Variants in ABI3BP observed in about 807,000 individuals in gnomAD.
The protein encoded by ABI3BP is ABI family member 3 binding protein.
Under a neutral mutation model 268.6 loss-of-function variants are expected in ABI3BP, and 216 were observed. The observed-to-expected ratio is 0.80, with a 90% CI of 0.72 to 0.90. The LOEUF (loss-of-function observed/expected upper bound fraction) is 0.90, where lower values mean the gene tolerates loss of function less well. Among genes scored for constraint, ABI3BP ranks in the 40% least tolerant of loss-of-function variants. The pLI is 0.00. For synonymous variants in ABI3BP, 730 were observed against 730.0 expected (o/e 1.00, Z 0.00); for missense variants, 2,090 against 2,182.4 (o/e 0.96, Z 0.84).
chr3:100,811,150 TGA>T (rs2097852311), intron 48 of ABI3BP, 78 bp downstream of exon 48: 2 of 1,209,094 alleles, frequency 1.7e-6, no homozygotes, highest in Admixed American at 5.0e-5. Flanking sequence ...GAATTCACAA[TGA>T]GAGAGACCCA....
chr3:100,847,037 C>G (rs1286903086), intron 19 of ABI3BP, among the ~76,000 whole-genome samples: 1 of 152,032 alleles, frequency 6.6e-6, no homozygotes, highest in African/African-American at 2.4e-5. Flanking sequence ...TTTGCAGATG[C>G]AACAATAAAT....
Position 100,824,931 on chromosome 3 carries a change from T to A in ABI3BP, c.2673A>T (p.Thr891=), listed in dbSNP as rs915219705. ...EIPATTLATK[T]SKRTRPPRPR... ...GACGTGGAGGGCGGGTTCTTTTTGA[T>A]GTTTTGGTAGCTGAAGGAAGAAAAA... Residue 891 remains threonine (T), a synonymous_variant, in exon 36 of 68, where the codon ACA becomes ACT. Coordinates refer to ENST00000471714, the MANE Select transcript of ABI3BP (RefSeq NM_001375547.2). 6.5e-7 allele frequency: 1 copy of A among 1,535,838 alleles called. No individual in the cohort carries two copies. The highest frequency in any genetic ancestry group is 8.7e-7 in the Non-Finnish European group (1 of 1,146,520).
chr3:100,843,879 A>C, intron 20 of ABI3BP: 1 of 984,922 alleles, frequency 1.0e-6, no homozygotes, highest in Non-Finnish European at 1.2e-6. Flanking sequence ...TACTCATTGC[A>C]TCTTTTAGAC....
At chr3:100,821,727 T>C (rs2098234901) in intron 38 of ABI3BP, among the ~76,000 whole-genome samples, 1 of 150,230 alleles carries the variant, frequency 6.7e-6, no homozygotes, top group African/African-American at 2.5e-5. Flanking sequence ...CCCAGCCTCC[T>C]GAGTAGCTGG....
At chr3:100,816,642 G>T in intron 43 of ABI3BP, 46 bp downstream of exon 43, 1 of 1,426,752 alleles carries the variant, frequency 7.0e-7, no homozygotes, top group Non-Finnish European at 9.5e-7. Flanking sequence ...CAGCCTGCCA[G>T]GGTTCAGGTT....
chr3:100,960,839 C>T (rs1341445214), intron 1 of ABI3BP, among the ~76,000 whole-genome samples: 1 of 152,142 alleles, frequency 6.6e-6, no homozygotes, highest in Non-Finnish European at 1.5e-5. Context: ...CTGCAAAGAA[C>T]CTGAATGAGC....
intron 49 of ABI3BP, among the ~76,000 whole-genome samples, chr3:100,808,852 A>G (rs2152459984): frequency 6.6e-6 from 1 of 152,180 alleles, no homozygotes; most frequent in South Asian, 2.1e-4. Flanking sequence ...TTCACCAAAA[A>G]AAATTGAAAA....
chr3:100,927,652 C>A (rs892327824), intron 1 of ABI3BP, among the ~76,000 whole-genome samples: 1 of 152,050 alleles, frequency 6.6e-6, no homozygotes, highest in African/African-American at 2.4e-5. Context: ...TGCCACATAC[C>A]TTTAAACAAC....
chr3:100,826,141 T>C (rs1379478996), intron 34 of ABI3BP, among the ~76,000 whole-genome samples: 1 of 152,160 alleles, frequency 6.6e-6, no homozygotes, highest in African/African-American at 2.4e-5. Context: ...AGACATGAGC[T>C]GCACACACAG....
intron 35 of ABI3BP, among the ~76,000 whole-genome samples, chr3:100,825,278 A>G (rs1253967401): frequency 6.6e-6 from 1 of 152,164 alleles, no homozygotes; most frequent in African/African-American, 2.4e-5. Context: ...GAAGAGGCTT[A>G]TAACTTAAGA....
chr3:100,776,239 G>A (rs2096700518), intron 59 of ABI3BP, among the ~76,000 whole-genome samples: 1 of 152,156 alleles, frequency 6.6e-6, no homozygotes, highest in Non-Finnish European at 1.5e-5. Context: ...ATACAAGCCT[G>A]ACCCAAGGAC....
chr3:100,862,779 G>T, intron 13 of ABI3BP, 59 bp downstream of exon 13: 1 of 1,202,412 alleles, frequency 8.3e-7, no homozygotes, highest in Non-Finnish European at 1.2e-6. Flanking sequence ...AATGTGTCCT[G>T]CAGAATTAAG....
chr3:100,906,357 G>C (rs1436864709), intron 2 of ABI3BP, among the ~76,000 whole-genome samples: 1 of 152,204 alleles, frequency 6.6e-6, no homozygotes, highest in African/African-American at 2.4e-5. Context: ...TTACCTGGGT[G>C]CATGTGTTGG....
At chr3:100,959,445 G>A (rs890893020) in intron 1 of ABI3BP, among the ~76,000 whole-genome samples, 20 of 137,558 alleles carry the variant, frequency 1.5e-4, no homozygotes, top group African/African-American at 2.8e-4. Context: ...AGCCGAGATC[G>A]CGCCACTGCA....
chr3:100,899,718 T>C (rs2049321199), intron 3 of ABI3BP, among the ~76,000 whole-genome samples: 1 of 152,028 alleles, frequency 6.6e-6, no homozygotes, highest in South Asian at 2.1e-4. Context: ...ATAATTAGAG[T>C]AAATAAGATA....
In ABI3BP at chr3:100,840,057, G is replaced by A; in HGVS notation, c.1897+15C>T. Reference sequence around the variant, plus strand: ...CCACTTTCTATGTTAATTGGAACCTGAATATCACATTTACCGGGTTTGGAC... The same window carrying A: ...CCACTTTCTATGTTAATTGGAACCTAAATATCACATTTACCGGGTTTGGAC... On this transcript the variant is annotated intron_variant, in intron 23 of 67. Transcript: ENST00000471714. The A allele has an allele frequency of 1.5e-6, 2 of 1,353,958 alleles. No individual in the cohort carries two copies. Among genetic ancestry groups the A allele is most frequent in the South Asian group, 1.2e-5 (1 of 81,368 alleles). The allele number at this position is 1,353,958 out of a possible 1,614,324, so 83.9% of individuals were successfully genotyped here.
rs1351875458 is a variant in ABI3BP, at chr3:100,816,359, C to G, written c.3229+329G>C. 8.6e-6 allele frequency: 4 copies of G among 464,238 alleles called. No individual in the cohort carries two copies. The Admixed American group carries it at 1.1e-4, about 13-fold the overall frequency. 28.8% of individuals were successfully genotyped at this position (464,238 alleles called of 1,614,324 possible). A position where few individuals can be genotyped will look rare whatever the true frequency, so the allele number is the denominator to read the frequency against. ...GAAAATAAATGCCTGTTTATGTAAT[C>G]ATAACAAATGGATCACATGTTTCAA... On this transcript the variant is annotated intron_variant, in intron 43 of 67. Transcript: ENST00000471714.
intron 1 of ABI3BP, among the ~76,000 whole-genome samples, chr3:100,951,373 A>G (rs892924164): frequency 6.6e-6 from 1 of 151,902 alleles, no homozygotes; most frequent in African/African-American, 2.4e-5. Flanking sequence ...TCTGGCCCTC[A>G]TAACATGGCA....
At chr3:100,891,410 T>C (rs2044593638) in intron 4 of ABI3BP, among the ~76,000 whole-genome samples, 1 of 152,210 alleles carries the variant, frequency 6.6e-6, no homozygotes, top group South Asian at 2.1e-4. Context: ...GACAGTATAA[T>C]TTTGAGTATT....
Sources: gnomAD v4.1 joint callset for allele counts (sites outside exome capture counted in the v4.1 genomes callset) on GRCh38, gnomAD v4.1.1 for gene constraint, MANE v1.5 for transcripts, NCBI Gene and HGNC (gene_info 2026-07-23, HGNC 2026-07-21) for gene names.